Variants in IFT80 observed in about 807,000 individuals in gnomAD.
The protein encoded by IFT80 is intraflagellar transport 80.
Under a neutral mutation model 107.9 loss-of-function variants are expected in IFT80, and 79 were observed. The ratio of observed to expected loss-of-function variants is 0.73; its 90% CI spans 0.61 to 0.88. The LOEUF is 0.88. Ranked by LOEUF, IFT80 falls within the 40% of genes least tolerant of loss-of-function variation. IFT80 has a pLI of 0.00. For synonymous variants in IFT80, 299 were observed against 300.9 expected (o/e 0.99, Z 0.07); for missense variants, 797 against 914.2 (o/e 0.87, Z 1.65).
intron 14 of IFT80, among the ~76,000 whole-genome samples, chr3:160,281,480 C>G (rs1033830400): frequency 2.0e-5 from 3 of 152,134 alleles, no homozygotes; most frequent in Non-Finnish European, 4.4e-5. Flanking sequence ...GCCACCAGCA[C>G]CAGGAATGTC....
intron 6 of IFT80, among the ~76,000 whole-genome samples, chr3:160,364,858 G>C (rs1339244492): frequency 6.6e-6 from 1 of 151,992 alleles, no homozygotes; most frequent in East Asian, 1.9e-4. Flanking sequence ...GTCGTAAGGT[G>C]GGGGGCTGGG....
chr3:160,382,081 T>C (rs1371493271), intron 2 of IFT80, among the ~76,000 whole-genome samples: 2 of 152,138 alleles, frequency 1.3e-5, no homozygotes, highest in African/African-American at 4.8e-5. Flanking sequence ...CACTGAACTG[T>C]TGGGGGATAG....
At chr3:160,278,084 T>C (rs1172475658) in intron 16 of IFT80, among the ~76,000 whole-genome samples, 3 of 152,154 alleles carry the variant, frequency 2.0e-5, no homozygotes, top group African/African-American at 7.2e-5. Flanking sequence ...ATAGTGAGGG[T>C]ACAGAAGTCC....
intron 4 of IFT80, among the ~76,000 whole-genome samples, chr3:160,376,311 G>C (rs981275512): frequency 3.3e-5 from 5 of 152,176 alleles, no homozygotes; most frequent in African/African-American, 1.2e-4. Context: ...CTACTCTTTT[G>C]AACAGCTTTG....
chr3:160,314,366 C>G (rs1196997000), intron 9 of IFT80, among the ~76,000 whole-genome samples: 1 of 152,158 alleles, frequency 6.6e-6, no homozygotes, highest in Non-Finnish European at 1.5e-5. Flanking sequence ...TTCCTTCTAA[C>G]AGAGACATCA....
intron 18 of IFT80, among the ~76,000 whole-genome samples, chr3:160,269,859 G>A (rs573165316): frequency 5.3e-5 from 8 of 152,132 alleles, no homozygotes; most frequent in Non-Finnish European, 8.8e-5. Context: ...TATGACATAC[G>A]ACTTCTGAAT....
At chr3:160,391,122 C>T (rs758824658) in intron 1 of IFT80, among the ~76,000 whole-genome samples, 1 of 152,178 alleles carries the variant, frequency 6.6e-6, no homozygotes, top group Non-Finnish European at 1.5e-5. Context: ...TGGGGTAGCC[C>T]TGCTCCGCAA....
At chr3:160,299,013 C>T in intron 12 of IFT80, 1 of 580,522 alleles carries the variant, frequency 1.7e-6, no homozygotes, top group Non-Finnish European at 2.2e-6. Flanking sequence ...AATGACTGTA[C>T]TTTATTAAAG....
chr3:160,370,888 G>A (rs190128686), intron 5 of IFT80, among the ~76,000 whole-genome samples: 74 of 152,060 alleles, frequency 4.9e-4, no homozygotes, highest in Admixed American at 3.5e-3. Flanking sequence ...AGCCTTAATC[G>A]CTGCCTTACT....
intron 1 of IFT80, among the ~76,000 whole-genome samples, chr3:160,390,095 T>C (rs909786849): frequency 1.3e-5 from 2 of 152,004 alleles, no homozygotes; most frequent in Non-Finnish European, 2.9e-5. Flanking sequence ...GGAGGCAAAA[T>C]AGCTTCTACT....
chr3:160,310,595 ATAGGTC>A lies in IFT80; in HGVS notation c.958-2820_958-2815del. On this transcript the variant is annotated intron_variant, in intron 9 of 19. Transcript: ENST00000326448. The stretch of plus-strand genomic sequence containing the variant: ...ACTATTTCACAACCCCCAATGAAAA[ATAGGTC>A]TAAACAACTATCATTAATGGCAGCT... 2.0e-5 allele frequency among the ~76,000 whole-genome samples: 3 copies of A among 152,340 alleles called. No individual in the cohort carries two copies. In the South Asian group the frequency reaches 6.2e-4, roughly 32 times the overall value.
rs937223773 is a variant in IFT80 at position 160,389,047 on chromosome 3, G to A, written c.-46-4401C>T. ...ACAGAGTTGTAATATAATAGAGTTGGGTATTTAAAGCCCTTTAATTTATGG... is the reference window on the plus strand; with the variant it reads ...ACAGAGTTGTAATATAATAGAGTTGAGTATTTAAAGCCCTTTAATTTATGG... On this transcript the variant is annotated intron_variant, in intron 1 of 19. Coordinates refer to ENST00000326448, the MANE Select transcript of IFT80 (RefSeq NM_020800.3). 2.0e-5 allele frequency among the ~76,000 whole-genome samples: 3 copies of A among 152,202 alleles called. No homozygotes were observed. In the East Asian group the frequency reaches 5.8e-4, roughly 29 times the overall value.
At chr3:160,345,977 C>T (rs1374453147) in intron 8 of IFT80, among the ~76,000 whole-genome samples, 15 of 152,112 alleles carry the variant, frequency 9.9e-5, no homozygotes, top group Admixed American at 9.2e-4. Context: ...TTATACATTG[C>T]ATGCCTGCAT....
chr3:160,363,806 T>C (rs1034450222), intron 6 of IFT80, among the ~76,000 whole-genome samples: 4 of 152,214 alleles, frequency 2.6e-5, no homozygotes, highest in African/African-American at 4.8e-5. Flanking sequence ...GTTAGCCATA[T>C]ATAGAAAGCT....
chr3:160,319,771 T>C lies in IFT80; in HGVS notation c.946A>G (p.Arg316Gly), dbSNP rs1718071015. Residue 316 changes from arginine to glycine, a missense_variant, in exon 9 of 20, where the codon AGA becomes GGA. Coordinates refer to ENST00000326448, the MANE Select transcript of IFT80 (RefSeq NM_020800.3). ...KNFQVTLTKR[R>G]AMQVRNVLND... is the part of the protein sequence containing the mutation. ...GAACATAATAATACCTGCATGGCTCTTCTTTTCGTTAATGTTACTTGAAAA... is the reference window on the plus strand; with the variant it reads ...GAACATAATAATACCTGCATGGCTCCTCTTTTCGTTAATGTTACTTGAAAA... The C allele has an allele frequency of 6.2e-7, 1 of 1,612,736 alleles. No homozygotes were observed.
chr3:160,341,619 G>A (rs1401242898), intron 8 of IFT80, among the ~76,000 whole-genome samples: 1 of 152,092 alleles, frequency 6.6e-6, no homozygotes, highest in African/African-American at 2.4e-5. Context: ...TTGGGACTAA[G>A]ATTCTTGTCT....
intron 12 of IFT80, 110 bp from the exon 13 acceptor site, chr3:160,285,978 C>T: frequency 1.4e-6 from 1 of 711,720 alleles, no homozygotes; most frequent in Non-Finnish European, 2.4e-6. Flanking sequence ...CTCTAGACCA[C>T]AGAGAGAGCA....
intron 9 of IFT80, among the ~76,000 whole-genome samples, chr3:160,317,332 T>C (rs1473492911): frequency 5.3e-5 from 8 of 152,106 alleles, no homozygotes; most frequent in African/African-American, 1.7e-4. Context: ...ACTTTAAAAA[T>C]TTATAAATAT....
At chr3:160,349,305 T>G (rs1559953979) in intron 8 of IFT80, among the ~76,000 whole-genome samples, 1 of 151,898 alleles carries the variant, frequency 6.6e-6, no homozygotes, top group South Asian at 2.1e-4. Flanking sequence ...AAAAATTCGC[T>G]GGGTACTGTG....
Sources: gnomAD v4.1 joint callset for allele counts (sites outside exome capture counted in the v4.1 genomes callset) on GRCh38, gnomAD v4.1.1 for gene constraint, MANE v1.5 for transcripts, NCBI Gene and HGNC (gene_info 2026-07-23, HGNC 2026-07-21) for gene names.